MYRIP: variants seen among roughly 807,000 people sequenced by gnomAD.
The protein encoded by MYRIP is myosin VIIA and Rab interacting protein, also known as rab effector MyRIP.
Under a neutral mutation model 98.0 loss-of-function variants are expected in MYRIP, and 49 were observed. The observed-to-expected ratio is 0.50, with a 90% CI of 0.40 to 0.63. MYRIP has a LOEUF of 0.63. MYRIP is among the 30% of genes least tolerant of loss of function. MYRIP has a pLI of 0.00. For synonymous variants in MYRIP, 404 were observed against 409.5 expected, an observed-to-expected ratio of 0.99 and a Z score of 0.16; for missense variants, 1,004 against 1,058.2, an observed-to-expected ratio of 0.95 and a Z score of 0.71.
rs370710997 is a variant in MYRIP, at chr3:40,251,951, C to T, written c.2499C>T (p.Ser833=). The change falls in exon 16 of 17, where the codon TCC becomes TCT. Residue 833 remains serine (S), a synonymous_variant. Transcript: ENST00000302541. ...ACCACAACTTCATTCTCCAAGGCTC[C>T]TCAACAAACAGGACTAAGGAAAGGA... is the stretch of plus-strand genomic sequence containing the variant. ...TFNHNFILQG[S]STNRTKERKG... 5.6e-5 allele frequency: 90 copies of T among 1,613,630 alleles called. No homozygotes were observed. The highest frequency in any genetic ancestry group is 7.5e-5 in the Non-Finnish European group (88 of 1,179,726).
chr3:39,977,299 A>G (rs6774206), intron 2 of MYRIP, among the ~76,000 whole-genome samples: 29,270 of 152,010 alleles, frequency 0.19, 5,500 homozygotes, highest in African/African-American at 0.49. Context: ...GGCCAGGCTC[A>G]GGCTTAGTCA....
At chr3:40,217,945 C>CT (rs772943796) in intron 11 of MYRIP, among the ~76,000 whole-genome samples, 21 of 152,140 alleles carry the variant, frequency 1.4e-4, no homozygotes, top group East Asian at 7.7e-4. Flanking sequence ...ATAAAATCAA[C>CT]TGAAAAGATT....
chr3:39,873,565 A>C (rs1345265112), intron 1 of MYRIP, among the ~76,000 whole-genome samples: 1 of 152,224 alleles, frequency 6.6e-6, no homozygotes, highest in Non-Finnish European at 1.5e-5. Flanking sequence ...ATGGCTAGCC[A>C]GTTTTCCCAG....
At chr3:40,129,921 T>C (rs973848267) in intron 3 of MYRIP, among the ~76,000 whole-genome samples, 6 of 152,222 alleles carry the variant, frequency 3.9e-5, no homozygotes, top group Non-Finnish European at 7.4e-5. Flanking sequence ...AGAATACACA[T>C]GTTTACAAAT....
chr3:39,883,166 G>A (rs531991005), intron 1 of MYRIP, among the ~76,000 whole-genome samples: 1 of 152,224 alleles, frequency 6.6e-6, no homozygotes, highest in African/African-American at 2.4e-5. Context: ...GGAATTAGAG[G>A]CCTGGCAAGG....
At chr3:39,904,003 G>A (rs755346890) in intron 2 of MYRIP, among the ~76,000 whole-genome samples, 13 of 152,028 alleles carry the variant, frequency 8.6e-5, no homozygotes, top group Admixed American at 2.6e-4. Flanking sequence ...ATCTTAAACC[G>A]CTTAATTTTG....
chr3:39,891,041 C>G (rs143768181), intron 1 of MYRIP, among the ~76,000 whole-genome samples: 2 of 152,074 alleles, frequency 1.3e-5, no homozygotes, highest in African/African-American at 2.4e-5. Flanking sequence ...TATTTGGTCT[C>G]TGTCATTTTT....
chr3:39,998,277 G>A (rs1273206580), intron 2 of MYRIP, among the ~76,000 whole-genome samples: 3 of 152,152 alleles, frequency 2.0e-5, no homozygotes, highest in African/African-American at 7.2e-5. Flanking sequence ...GTATGTCTAG[G>A]AAACACCATC....
intron 5 of MYRIP, among the ~76,000 whole-genome samples, chr3:40,165,426 C>A (rs907502066): frequency 6.6e-6 from 1 of 152,178 alleles, no homozygotes; most frequent in Non-Finnish European, 1.5e-5. Context: ...TATATTCACA[C>A]CCTGTCTCAT....
intron 2 of MYRIP, among the ~76,000 whole-genome samples, chr3:39,964,531 C>T (rs1945396438): frequency 1.3e-5 from 2 of 152,090 alleles, no homozygotes; most frequent in African/African-American, 4.8e-5. Context: ...GGTCTTTATT[C>T]TTCCCTTTCA....
rs183675783 is a variant in MYRIP, at chr3:40,018,940, A to G, written c.111-25110A>G. ...GCTTCTCACTACAATGAGCTCCAAC[A>G]TTCTATGCAGCAGACTACTTAAAAA... On this transcript the variant is annotated intron_variant, in intron 2 of 16. Transcript: ENST00000302541. 6.9e-3 allele frequency among the ~76,000 whole-genome samples: 1,052 copies of G among 152,234 alleles called. 5 individuals are homozygous for G. Among genetic ancestry groups the G allele is most frequent in the Middle Eastern group, 0.027 (8 of 294 alleles).
At chr3:40,160,502 T>G (rs1403859618) in intron 4 of MYRIP, among the ~76,000 whole-genome samples, 1 of 152,234 alleles carries the variant, frequency 6.6e-6, no homozygotes, top group African/African-American at 2.4e-5. Context: ...CAGGCCTCCT[T>G]GAGCTGTGGT....
chr3:40,034,409 G>A (rs909381498), intron 2 of MYRIP, among the ~76,000 whole-genome samples: 16 of 152,090 alleles, frequency 1.1e-4, no homozygotes, highest in Middle Eastern at 3.4e-3. Context: ...ACAAGTGGGC[G>A]AAGGATATGA....
At chr3:40,097,096 C>A (rs1260151903) in intron 3 of MYRIP, among the ~76,000 whole-genome samples, 3 of 152,110 alleles carry the variant, frequency 2.0e-5, no homozygotes, top group African/African-American at 7.2e-5. Flanking sequence ...CCAACCACGA[C>A]CAAAAGAAGA....
At chr3:40,032,569 G>T (rs1387864875) in intron 2 of MYRIP, among the ~76,000 whole-genome samples, 2 of 151,984 alleles carry the variant, frequency 1.3e-5, no homozygotes, top group African/African-American at 4.8e-5. Flanking sequence ...TGAAATTGTG[G>T]CAATAATCAA....
At chr3:40,053,981 C>T (rs1334834453) in intron 3 of MYRIP, among the ~76,000 whole-genome samples, 1 of 152,176 alleles carries the variant, frequency 6.6e-6, no homozygotes, top group Non-Finnish European at 1.5e-5. Context: ...AGTGGCCTCA[C>T]AGCCCATGGG....
chr3:39,850,303 G>T (rs12638790), intron 1 of MYRIP, among the ~76,000 whole-genome samples: 1 of 152,108 alleles, frequency 6.6e-6, no homozygotes, highest in African/African-American at 2.4e-5. Context: ...CCATTCTCCC[G>T]GTAGCCATTA....
At position 40,171,549 on chromosome 3, in the gene MYRIP, A is replaced by T. The variant is rs114580954; in HGVS notation, c.873+1456A>T. On this transcript the variant is annotated intron_variant, in intron 8 of 16. Coordinates refer to ENST00000302541, the MANE Select transcript of MYRIP (RefSeq NM_015460.4). Reference sequence around the variant, plus strand: ...AGATCCAGAAAGTAGAAATTCCCACAGCACCCCAGACTCAACCATGAGTCA... The same window carrying T: ...AGATCCAGAAAGTAGAAATTCCCACTGCACCCCAGACTCAACCATGAGTCA... Among the ~76,000 whole-genome samples, 1,300 of 152,316 alleles carry T rather than the reference A, an allele frequency of 8.5e-3. 21 individuals are homozygous for T. The highest frequency in any genetic ancestry group is 0.03 in the African/African-American group (1,248 of 41,544).
rs367917395 is a variant in MYRIP, at chr3:40,151,167, C to T, written c.452C>T (p.Ala151Val). ...LYRKHRLESG[A>V]CFDILGGSLF... The stretch of plus-strand genomic sequence containing the variant: ...AGGAAGCACCGGCTGGAGAGTGGCG[C>T]GTGCTTCGACATTCTAGGTACTCTC... Residue 151 changes from alanine (A) to valine (V), a missense_variant, in exon 4 of 17, where the codon GCG becomes GTG. Physicochemically the swap from Ala to Val is moderately conservative, Grantham distance 64. Around this residue, in one of 3 missense-constraint regions of MYRIP, gnomAD observed 880 missense variants for 907.7 expected, o/e 0.97. Coordinates refer to ENST00000302541, the MANE Select transcript of MYRIP (RefSeq NM_015460.4). 9.3e-6 allele frequency: 15 copies of T among 1,604,476 alleles called. No individual in the cohort carries two copies. The highest frequency in any genetic ancestry group is 6.7e-5 in the African/African-American group (5 of 74,672).
Sources: allele counts gnomAD v4.1 joint callset (sites outside exome capture counted in the v4.1 genomes callset), GRCh38; gene constraint gnomAD v4.1.1; regional missense constraint gnomAD v4.1.1; transcripts MANE v1.5; gene names NCBI Gene and HGNC (gene_info 2026-07-23, HGNC 2026-07-21).